Variants in THBS3 observed in about 807,000 individuals in gnomAD.
The protein encoded by THBS3 is thrombospondin-3.
THBS3 carries 78 observed loss-of-function variants against 118.3 expected under a neutral mutation model. The observed-to-expected ratio is 0.66, with a 90% CI of 0.55 to 0.80. The LOEUF (loss-of-function observed/expected upper bound fraction) is 0.80. Ranked by LOEUF, THBS3 falls within the 30% of genes least tolerant of loss-of-function variation. The pLI is 0.00. For synonymous variants in THBS3, 427 were observed against 475.3 expected (o/e 0.90, Z 1.32); for missense variants, 1,057 against 1,247.4 (o/e 0.85, Z 2.30).
intron 4 of THBS3, 50 bp from the exon 5 acceptor site, chr1:155,203,589 A>G: frequency 6.2e-7 from 1 of 1,608,382 alleles, no homozygotes; most frequent in East Asian, 2.2e-5. Context: ...AAGTGAAGAG[A>G]GGCCTGGTTG....
chr1:155,197,782 C>A lies in THBS3; in HGVS notation c.2302+98G>T. 2 of 1,596,818 alleles carry A rather than the reference C, an allele frequency of 1.3e-6. No homozygotes were observed. Among genetic ancestry groups the A allele is most frequent in the Non-Finnish European group, 1.7e-6 (2 of 1,165,808 alleles). ...GCTTGTGCCACTGCCTTCTCTCTCGCCACTTTGCCCATTCTCCCTGTCTGT... is the reference window on the plus strand; with the variant it reads ...GCTTGTGCCACTGCCTTCTCTCTCGACACTTTGCCCATTCTCCCTGTCTGT... On this transcript the variant is annotated intron_variant, in intron 19 of 22. Coordinates refer to ENST00000368378, the MANE Select transcript of THBS3 (RefSeq NM_007112.5). This position sits in a 1 kb window ranked among gnomAD's most constrained non-coding sequence, Gnocchi z 5.0.
chr1:155,201,329 A>G (rs562525385), intron 11 of THBS3, 88 bp downstream of exon 11: 4 of 1,571,644 alleles, frequency 2.5e-6, no homozygotes, highest in Admixed American at 3.5e-5. Flanking sequence ...CCTCTCTCCT[A>G]TGAAGACCCC....
Position 155,201,428 on chromosome 1 carries a change from C to T in THBS3, c.1318G>A (p.Val440Met). The T allele has an allele frequency of 6.2e-7, 1 of 1,607,168 alleles. No individual in the cohort carries two copies. Among genetic ancestry groups the T allele is most frequent in the Non-Finnish European group, 8.5e-7 (1 of 1,176,168 alleles). ...AHCLFERNGAVSCQCNVGWAG... is the reference protein window; with the variant it reads ...AHCLFERNGAMSCQCNVGWAG... ...GAAGCCTAGCTCACCTGGCAGGACA[C>T]TGCACCATTGCGTTCAAAGAGACAG... Residue 440 changes from valine to methionine, a missense_variant, in exon 11 of 23, where the codon GTG becomes ATG. Physicochemically the swap from Val to Met is conservative, Grantham distance 21. Coordinates refer to ENST00000368378, the MANE Select transcript of THBS3 (RefSeq NM_007112.5).
chr1:155,199,984 T>G lies in THBS3; in HGVS notation c.1827+11A>C. ...CCTCATCCCTCCCCTGTCCTTACCA[T>G]CTCCCTGTACCTGGGTAGGATTGCT... On this transcript the variant is annotated intron_variant, in intron 15 of 22. Transcript: ENST00000368378. 6.3e-7 allele frequency: 1 copy of G among 1,599,868 alleles called. No homozygotes were observed. The highest frequency in any genetic ancestry group is 8.5e-7 in the Non-Finnish European group (1 of 1,172,060).
intron 15 of THBS3, 46 bp downstream of exon 15, chr1:155,199,945 TCATC>T (rs375580714): frequency 1.2e-6 from 2 of 1,610,042 alleles, no homozygotes; most frequent in South Asian, 2.2e-5. Context: ...GGCTGGGGCT[TCATC>T]CATCAGTACC....
rs1669391499 is a variant in THBS3 at position 155,199,839 on chromosome 1, G to T, written c.1845C>A (p.Asp615Glu). 4 of 1,614,184 alleles carry T rather than the reference G, an allele frequency of 2.5e-6. No homozygotes were observed. Among genetic ancestry groups the T allele is most frequent in the Non-Finnish European group, 2.5e-6 (3 of 1,180,034 alleles). Residue 615 changes from aspartate to glutamate, a missense_variant, in exon 16 of 23, where the codon GAC becomes GAA. Asp to Glu is a conservative substitution (Grantham distance 45). Transcript: ENST00000368378. ...TAGTATCACAGACATCCCCCACCAG[G>T]TCGCTGTCTGCATCTGTCTGAGAGA... The part of the protein sequence containing the change: ...SNPTQTDADS[D>E]LVGDVCDTNE...
intron 15 of THBS3, 53 bp from the exon 16 acceptor site, chr1:155,199,909 G>C (rs1434371560): frequency 1.2e-6 from 2 of 1,611,804 alleles, no homozygotes; most frequent in East Asian, 4.5e-5. Flanking sequence ...TCTGAAGAGG[G>C]TGATCTGACC....
chr1:155,207,952 CG>C, upstream of THBS3: 6 of 1,376,250 alleles, frequency 4.4e-6, no homozygotes, highest in Non-Finnish European at 3.9e-6. Context: ...GAGCAGGAGC[CG>C]GGGGGCGGAG....
Position 155,201,207 on chromosome 1 carries a change from A to AG in THBS3, c.1330-4dup. Reference sequence around the variant, plus strand: ...TTCCCAGCCCAGCCCACGTTACACTAGGGCAACACAAAGGGTAGGAGCTAG... The same window carrying AG: ...TTCCCAGCCCAGCCCACGTTACACTAGGGGCAACACAAAGGGTAGGAGCTAG... On this transcript the variant is annotated splice_region_variant and splice_polypyrimidine_tract_variant and intron_variant, in intron 11 of 22. Coordinates refer to ENST00000368378, the MANE Select transcript of THBS3 (RefSeq NM_007112.5). 6.2e-7 allele frequency: 1 copy of AG among 1,614,002 alleles called. No homozygotes were observed. Among genetic ancestry groups the AG allele is most frequent in the Non-Finnish European group, 8.5e-7 (1 of 1,179,992 alleles).
intron 13 of THBS3, 37 bp from the exon 14 acceptor site, chr1:155,200,647 C>T (rs749184987): frequency 6.2e-7 from 1 of 1,607,208 alleles, no homozygotes; most frequent in South Asian, 1.1e-5. Flanking sequence ...GTCAGGTCTC[C>T]CCTAAATCAC....
At position 155,196,098 on chromosome 1, in the gene THBS3, C is replaced by T. The variant is rs1313770525; in HGVS notation, c.2701G>A (p.Val901Met). 1 of 1,614,186 alleles carries T rather than the reference C, an allele frequency of 6.2e-7. No homozygotes were observed. The highest frequency in any genetic ancestry group is 1.3e-5 in the African/African-American group (1 of 75,066). Reference sequence around the variant, plus strand: ...TCAATGATCACCCCAGAATCCGCCACAAGCTGGGGTCCCTCATAGAGCTTC... The same window carrying T: ...TCAATGATCACCCCAGAATCCGCCATAAGCTGGGGTCCCTCATAGAGCTTC... ...RVKLYEGPQLVADSGVIIDTS... is the reference protein window; with the variant it reads ...RVKLYEGPQLMADSGVIIDTS... Residue 901 changes from valine to methionine, a missense_variant, in exon 22 of 23, where the codon GTG becomes ATG. This residue lies in a region of THBS3 where 307 missense variants were observed against 326.1 expected (regional missense o/e 0.94). Coordinates refer to ENST00000368378, the MANE Select transcript of THBS3 (RefSeq NM_007112.5).
chr1:155,201,427 A>AC lies in THBS3; in HGVS notation c.1318dup (p.Val440GlyfsTer6). On this transcript the variant is annotated frameshift_variant, in exon 11 of 23. Transcript: ENST00000368378. LOFTEE classifies it high-confidence loss of function. ...TGAAGCCTAGCTCACCTGGCAGGAC[A>AC]CTGCACCATTGCGTTCAAAGAGACA... 6.2e-7 allele frequency: 1 copy of AC among 1,606,512 alleles called. No individual in the cohort carries two copies.
In THBS3 at chr1:155,206,377, G is replaced by A. The variant is rs1428877193; in HGVS notation, c.109C>T (p.Arg37Trp). The change falls in exon 2 of 23, where the codon CGG becomes TGG. Residue 37 changes from arginine (R) to tryptophan (W), a missense_variant. Around this residue, in one of 3 missense-constraint regions of THBS3, gnomAD observed 206 missense variants for 205.7 expected, o/e 1.00. Transcript: ENST00000368378. The surrounding 1 kb of genome is among the most constrained non-coding windows in gnomAD (Gnocchi z 4.2). ...VIDLLTVGES[R>W]QMVAVAEKIR... ...TTCTCTGCCACAGCTACCATCTGCC[G>A]AGACTCGCCCACAGTCAGCAGGTCA... The A allele has an allele frequency of 8.1e-6, 13 of 1,613,988 alleles. No individual in the cohort carries two copies. The highest frequency in any genetic ancestry group is 2.7e-5 in the African/African-American group (2 of 74,894).
chr1:155,205,089 TC>T lies in THBS3; in HGVS notation c.513del (p.Thr172LeufsTer7), dbSNP rs1409101776. On this transcript the variant is annotated frameshift_variant, in exon 3 of 23. Transcript: ENST00000368378. LOFTEE classifies it high-confidence loss of function. ...PPAEVDGLEI[R>X]TGQKAYLRMQ... ...ATCCTCAAATACGCCTTCTGTCCAG[TC>T]CTAATCTCCAGCCCATCGACCTCCG... 6.2e-7 allele frequency: 1 copy of T among 1,613,880 alleles called. No homozygotes were observed. The highest frequency in any genetic ancestry group is 2.2e-5 in the East Asian group (1 of 44,902).
Position 155,203,261 on chromosome 1 carries a change from G to T in THBS3, c.718C>A (p.Gln240Lys). 2 of 1,614,172 alleles carry T rather than the reference G, an allele frequency of 1.2e-6. No homozygotes were observed. Among genetic ancestry groups the T allele is most frequent in the Non-Finnish European group, 1.7e-6 (2 of 1,180,042 alleles). The change falls in exon 6 of 23, where the codon CAG (glutamine) becomes AAG (lysine). Residue 240 changes from glutamine (Q) to lysine (K), a missense_variant. By Grantham distance (53) the Gln-to-Lys change is moderately conservative. Transcript: ENST00000368378. The part of the protein sequence containing the change: ...ALVTQLTLFN[Q>K]ILVELRDDIR... Reference sequence around the variant, plus strand: ...TCATCCCGCAGCTCCACCAGGATCTGGTTGAAGAGGGTGAGTTGGGTGACC... The same window carrying T: ...TCATCCCGCAGCTCCACCAGGATCTTGTTGAAGAGGGTGAGTTGGGTGACC...
In THBS3 at chr1:155,203,554, A is replaced by C. The variant is rs768750708; in HGVS notation, c.647-15T>G. The C allele has an allele frequency of 1.5e-5, 24 of 1,613,696 alleles. No individual in the cohort carries two copies. In the Admixed American group the frequency reaches 2.2e-4, roughly 15 times the overall value. On this transcript the variant is annotated splice_polypyrimidine_tract_variant and intron_variant, in intron 4 of 22. Transcript: ENST00000368378. Reference sequence around the variant, plus strand: ...TGCATTGGTCACTGGAGAGGAGAAGAAAACATAGTCAGAGGGGTGAGGTGA... The same window carrying C: ...TGCATTGGTCACTGGAGAGGAGAAGCAAACATAGTCAGAGGGGTGAGGTGA...
At chr1:155,209,022 C>T (rs369692343), upstream of THBS3, 12 of 1,576,520 alleles carry the variant, frequency 7.6e-6, no homozygotes, top group Middle Eastern at 3.6e-4. Context: ...ACAGCGCTGT[C>T]CCGCTACGTG....
chr1:155,203,310 C>A lies in THBS3; in HGVS notation c.674-5G>T. ...CCAGCGCCTTGGTCTGCTCCCCTGT[C>A]GGGACCCAGGGTGTGAGGGGTTCAG... is the stretch of plus-strand genomic sequence containing the variant. On this transcript the variant is annotated splice_region_variant and splice_polypyrimidine_tract_variant and intron_variant, in intron 5 of 22. Transcript: ENST00000368378. The A allele has an allele frequency of 1.2e-6, 2 of 1,613,816 alleles. No individual in the cohort carries two copies. Among genetic ancestry groups the A allele is most frequent in the South Asian group, 1.1e-5 (1 of 91,010 alleles).
In THBS3 at chr1:155,205,330, G is replaced by A. The variant is rs376060638; in HGVS notation, c.287-14C>T. 1.9e-5 allele frequency: 30 copies of A among 1,611,594 alleles called. No homozygotes were observed. In the African/African-American group the frequency reaches 3.5e-4, roughly 19 times the overall value. Reference sequence around the variant, plus strand: ...ATCGCACCAGTACTGCCCAGGAGGGGAGATCAGTATGGGCGCTATCCCCCA... The same window carrying A: ...ATCGCACCAGTACTGCCCAGGAGGGAAGATCAGTATGGGCGCTATCCCCCA... On this transcript the variant is annotated splice_polypyrimidine_tract_variant and intron_variant, in intron 2 of 22. Transcript: ENST00000368378.
Sources: gnomAD v4.1 joint callset for allele counts on GRCh38, gnomAD v4.1.1 for gene constraint, gnomAD v4.1.1 regional missense constraint, Gnocchi (gnomAD v3.1) non-coding constraint, MANE v1.5 for transcripts, NCBI Gene and HGNC (gene_info 2026-07-23, HGNC 2026-07-21) for gene names.